The following ASIP variants were observed in gnomAD, a reference collection of about 807,000 sequenced individuals.
ASIP encodes agouti signaling protein.
Under a neutral mutation model 10.3 loss-of-function variants are expected in ASIP, and 11 were observed. The observed-to-expected ratio is 1.07, with a 90% confidence interval of 0.68 to 1.78. The LOEUF is 1.78. Ranked by LOEUF, ASIP falls within the 40% of genes most tolerant of loss-of-function variation. The probability of loss-of-function intolerance (pLI) is 0.00; values close to 1 mark genes in which losing one functional copy is unlikely to be tolerated. For missense variants in ASIP, 180 were observed against 169.2 expected (o/e 1.06, Z -0.35); for synonymous variants, 70 against 70.8 (o/e 0.99, Z 0.06).
chr20:34,224,636 A>G (rs907248585), intron 1 of ASIP, among the ~76,000 whole-genome samples: 11 of 151,756 alleles, frequency 7.2e-5, no homozygotes, highest in Non-Finnish European at 1.6e-4. Context: ...GAGAATATCA[A>G]GCAAGACAGC....
chr20:34,194,745 C>T (rs1432254478), exon 1 of ASIP: 1 of 151,904 alleles, frequency 6.6e-6, no homozygotes, highest in Non-Finnish European at 1.5e-5. Context: ...TGGAACAGGG[C>T]CCTGTATAGA....
At chr20:34,223,446 G>A (rs1291202442) in intron 1 of ASIP, among the ~76,000 whole-genome samples, 4 of 151,410 alleles carry the variant, frequency 2.6e-5, no homozygotes, top group African/African-American at 9.7e-5. Flanking sequence ...CACCCCATCT[G>A]GGAAGTGAGG....
chr20:34,214,828 TTAG>T (rs2034997029), intron 1 of ASIP: 1 of 1,599,966 alleles, frequency 6.3e-7, no homozygotes, highest in African/African-American at 1.3e-5. Flanking sequence ...AAATCCAATA[TTAG>T]AAGAAATATC....
chr20:34,235,848 G>A (rs819180), intron 1 of ASIP, among the ~76,000 whole-genome samples: 4,971 of 37,720 alleles, frequency 0.13, 197 homozygotes, highest in East Asian at 0.16. Flanking sequence ...AAAGAAGGAA[G>A]GAAGGAAGGA....
upstream of ASIP, among the ~76,000 whole-genome samples, chr20:34,237,987 A>G (rs1004499039): frequency 6.6e-6 from 1 of 152,142 alleles, no homozygotes; most frequent in Non-Finnish European, 1.5e-5. Flanking sequence ...CTGGCCTCCA[A>G]AGTTTCTGAT....
At chr20:34,188,238 G>C in the ASIP span, among the ~76,000 whole-genome samples, 1 of 152,226 alleles carries the variant, frequency 6.6e-6, no homozygotes, top group Non-Finnish European at 1.5e-5. Context: ...AGGAGGTGAA[G>C]TTGGCCAGTT....
At chr20:34,242,645 C>CA (rs1231294339) in intron 1 of ASIP, among the ~76,000 whole-genome samples, 2 of 152,228 alleles carry the variant, frequency 1.3e-5, no homozygotes, top group African/African-American at 4.8e-5. Context: ...ATGTCTGTCT[C>CA]AAAACCTTTT....
At chr20:34,238,178 T>C (rs2035235843), upstream of ASIP, among the ~76,000 whole-genome samples, 1 of 152,186 alleles carries the variant, frequency 6.6e-6, no homozygotes, top group Non-Finnish European at 1.5e-5. Context: ...GATGTTTATA[T>C]TCATATCTTT....
At chr20:34,235,306 G>A (rs2035165451) in intron 1 of ASIP, among the ~76,000 whole-genome samples, 3 of 152,156 alleles carry the variant, frequency 2.0e-5, no homozygotes, top group Admixed American at 2.0e-4. Context: ...CAGGCGAGGT[G>A]GCAGGCACCT....
intron 1 of ASIP, among the ~76,000 whole-genome samples, chr20:34,245,536 C>T (rs1202847173): frequency 9.9e-5 from 15 of 151,184 alleles, no homozygotes; most frequent in African/African-American, 2.7e-4. Context: ...TACAGGTGTG[C>T]GCCACCATGC....
chr20:34,252,714 A>T (rs2035497808), intron 1 of ASIP, among the ~76,000 whole-genome samples: 1 of 151,784 alleles, frequency 6.6e-6, no homozygotes, highest in Non-Finnish European at 1.5e-5. Context: ...GGGTTGGGGG[A>T]TGGTAAGGTC....
chr20:34,243,297 T>C (rs2035312051), intron 1 of ASIP, among the ~76,000 whole-genome samples: 1 of 152,190 alleles, frequency 6.6e-6, no homozygotes, highest in African/African-American at 2.4e-5. Flanking sequence ...TGAAGCAGGT[T>C]GTCTACAGAA....
At chr20:34,224,577 A>T (rs2035079887) in intron 1 of ASIP, among the ~76,000 whole-genome samples, 1 of 152,200 alleles carries the variant, frequency 6.6e-6, no homozygotes, top group Admixed American at 6.6e-5. Flanking sequence ...GGATGAGTTA[A>T]AAAGGGAGGA....
At chr20:34,220,014 C>G (rs1044682345) in intron 1 of ASIP, among the ~76,000 whole-genome samples, 2 of 152,036 alleles carry the variant, frequency 1.3e-5, no homozygotes, top group Admixed American at 6.6e-5. Context: ...GGCATGAACC[C>G]GGGAAGCGGA....
intron 1 of ASIP, among the ~76,000 whole-genome samples, chr20:34,232,418 T>G (rs2035127890): frequency 6.6e-6 from 1 of 152,204 alleles, no homozygotes; most frequent in Non-Finnish European, 1.5e-5. Flanking sequence ...TAGGCCACTT[T>G]GATTAATCTG....
At chr20:34,237,588 A>G (rs1436746662), upstream of ASIP, among the ~76,000 whole-genome samples, 2 of 152,228 alleles carry the variant, frequency 1.3e-5, no homozygotes, top group African/African-American at 4.8e-5. Context: ...AGATCATATT[A>G]TCTGTGAACA....
At chr20:34,220,743 G>A (rs1319861370) in intron 1 of ASIP, among the ~76,000 whole-genome samples, 1 of 152,070 alleles carries the variant, frequency 6.6e-6, no homozygotes, top group Non-Finnish European at 1.5e-5. Flanking sequence ...TGCTTAGCAC[G>A]GAACACTGAC....
chr20:34,223,511 C>G (rs1445103860), intron 1 of ASIP, among the ~76,000 whole-genome samples: 1 of 151,442 alleles, frequency 6.6e-6, no homozygotes, highest in Non-Finnish European at 1.5e-5. Flanking sequence ...GGTCAGCCCC[C>G]CCGCCCGGCC....
At chr20:34,237,520 A>G (rs1224162635), upstream of ASIP, among the ~76,000 whole-genome samples, 1 of 152,228 alleles carries the variant, frequency 6.6e-6, no homozygotes, top group Non-Finnish European at 1.5e-5. Flanking sequence ...CTACTTTGCT[A>G]AACTGATTTA....
Sources: gnomAD v4.1 joint callset for allele counts (sites outside exome capture counted in the v4.1 genomes callset) on GRCh38, gnomAD v4.1.1 for gene constraint, MANE v1.5 for transcripts, NCBI Gene and HGNC (gene_info 2026-07-23, HGNC 2026-07-21) for gene names.